MBP: variants seen among roughly 807,000 people sequenced by gnomAD.
MBP encodes Golli-MBP.
A neutral mutation model predicts 35.8 loss-of-function variants in MBP; 16 were observed. The observed-to-expected ratio is 0.45, with a 90% CI of 0.30 to 0.68. The LOEUF (loss-of-function observed/expected upper bound fraction) is 0.68, where lower values mean the gene tolerates loss of function less well. Ranked by LOEUF, MBP falls within the 30% of genes least tolerant of loss-of-function variation. The pLI is 0.08. For synonymous variants in MBP, 143 were observed against 159.6 expected, an observed-to-expected ratio of 0.90 and a Z score of 0.78; for missense variants, 380 against 404.7, an observed-to-expected ratio of 0.94 and a Z score of 0.52.
intron 3 of MBP, among the ~76,000 whole-genome samples, chr18:77,052,283 G>T (rs1001709193): frequency 6.6e-6 from 1 of 152,166 alleles, no homozygotes; most frequent in African/African-American, 2.4e-5. Flanking sequence ...TTTCAAATTG[G>T]GGATCCAAGA....
intron 3 of MBP, among the ~76,000 whole-genome samples, chr18:77,062,247 C>T (rs1046405536): frequency 6.6e-6 from 1 of 152,182 alleles, no homozygotes; most frequent in Non-Finnish European, 1.5e-5. Flanking sequence ...TTTAGCCCCA[C>T]GATTAGTCAA....
chr18:77,026,209 T>A (rs966931880), intron 3 of MBP, among the ~76,000 whole-genome samples: 1 of 152,244 alleles, frequency 6.6e-6, no homozygotes, highest in African/African-American at 2.4e-5. Context: ...CTTTTCACGC[T>A]GGCTTGACCC....
At chr18:77,019,080 CCATT>C (rs1427334947) in intron 3 of MBP, among the ~76,000 whole-genome samples, 6 of 134,280 alleles carry the variant, frequency 4.5e-5, no homozygotes, top group Admixed American at 2.3e-4. Flanking sequence ...ATCCATCCAT[CCATT>C]ATTTATGAGT....
At chr18:76,994,570 A>G (rs1914423308) in intron 4 of MBP, among the ~76,000 whole-genome samples, 1 of 152,344 alleles carries the variant, frequency 6.6e-6, no homozygotes, top group Admixed American at 6.5e-5. Context: ...TAAAAGAAAA[A>G]TGATATATTT....
intron 3 of MBP, among the ~76,000 whole-genome samples, chr18:77,056,202 G>A (rs754236765): frequency 2.2e-4 from 33 of 152,186 alleles, no homozygotes; most frequent in Non-Finnish European, 4.6e-4. Context: ...TGCCTGGCCC[G>A]GTGTCCATGT....
intron 3 of MBP, among the ~76,000 whole-genome samples, chr18:77,062,687 G>A (rs890615146): frequency 6.6e-6 from 1 of 152,214 alleles, no homozygotes; most frequent in African/African-American, 2.4e-5. Context: ...CGAGGAGGAA[G>A]GCTGCGTGGT....
chr18:77,015,264 C>A, intron 4 of MBP: 1 of 968,910 alleles, frequency 1.0e-6, no homozygotes, highest in Non-Finnish European at 1.2e-6. Context: ...AGTTTAAGTA[C>A]ATTTTTTTTT....
Position 76,988,167 on chromosome 18 carries a change from T to C in MBP, c.750+328A>G. The C allele has an allele frequency of 6.5e-7, 1 of 1,539,564 alleles. No individual in the cohort carries two copies. The highest frequency in any genetic ancestry group is 8.7e-7 in the Non-Finnish European group (1 of 1,146,684). On this transcript the variant is annotated intron_variant, in intron 7 of 8. Transcript: ENST00000355994. This position sits in a 1 kb window ranked among gnomAD's most constrained non-coding sequence, Gnocchi z 5.2. ...CTCGCACTGGTTGTGTTGGAGGAAGTTAAACATTTTCTCGGACGTGGTGTT... is the reference window on the plus strand; with the variant it reads ...CTCGCACTGGTTGTGTTGGAGGAAGCTAAACATTTTCTCGGACGTGGTGTT...
At chr18:77,050,089 G>T (rs1332393772) in intron 3 of MBP, among the ~76,000 whole-genome samples, 1 of 152,010 alleles carries the variant, frequency 6.6e-6, no homozygotes, top group Non-Finnish European at 1.5e-5. Context: ...GACGTTCTTG[G>T]TAGAATGTCA....
intron 3 of MBP, among the ~76,000 whole-genome samples, chr18:77,030,574 A>C (rs1363480587): frequency 6.6e-6 from 1 of 152,260 alleles, no homozygotes; most frequent in East Asian, 1.9e-4. Flanking sequence ...TTTTCCAAAA[A>C]TAAATCCATA....
At chr18:77,084,878 G>A (rs1421463363) in intron 2 of MBP, among the ~76,000 whole-genome samples, 2 of 151,960 alleles carry the variant, frequency 1.3e-5, no homozygotes, top group African/African-American at 4.8e-5. Context: ...AAAATACTCT[G>A]CCATTTATTC....
intron 2 of MBP, among the ~76,000 whole-genome samples, chr18:77,087,868 C>T (rs1322356093): frequency 1.3e-5 from 2 of 152,136 alleles, no homozygotes; most frequent in Non-Finnish European, 2.9e-5. Context: ...CTTGCGCGCT[C>T]CTGCTGCCTG....
chr18:76,986,655 C>G, intron 7 of MBP: 1 of 985,532 alleles, frequency 1.0e-6, no homozygotes, highest in Non-Finnish European at 1.2e-6. Flanking sequence ...CTCGCTCTTG[C>G]GTCCTAGAGG....
At chr18:77,026,258 C>T (rs1389513140) in intron 3 of MBP, among the ~76,000 whole-genome samples, 4 of 152,236 alleles carry the variant, frequency 2.6e-5, no homozygotes, top group African/African-American at 9.6e-5. Context: ...AGGCAGAGCG[C>T]GGGCGTTCTG....
rs756647018 is a variant in MBP, at chr18:77,017,189, C to T, written c.219G>A (p.Pro73=). 47 of 1,540,216 alleles carry T rather than the reference C, an allele frequency of 3.1e-5. No homozygotes were observed. Among genetic ancestry groups the T allele is most frequent in the Middle Eastern group, 3.5e-4 (2 of 5,674 alleles). Residue 73 remains proline, a synonymous_variant, in exon 4 of 9, where the codon CCG becomes CCA. Transcript: ENST00000355994. ...AVTDSKRTAD[P]KNAWQDAHPA... ...GGTGGGCATCCTGCCAGGCATTCTT[C>T]GGGTCCGCTGTGCGCTTGGAGTCAG...
chr18:76,993,101 G>T (rs1387141663), intron 4 of MBP, among the ~76,000 whole-genome samples: 1 of 152,206 alleles, frequency 6.6e-6, no homozygotes, highest in South Asian at 2.1e-4. Context: ...GCACAGCAGG[G>T]CGTAACCATG....
At chr18:77,014,499 C>T (rs746326298) in intron 4 of MBP, 123 of 985,350 alleles carry the variant, frequency 1.2e-4, no homozygotes, top group Non-Finnish European at 1.5e-4. Context: ...TTGCACACCT[C>T]TTCGGCCTAT....
In MBP at chr18:77,061,908, C is replaced by T. The variant is rs772759744; in HGVS notation, c.139+4390G>A. ...GAGCAATGAAGTTGTGAATGTTTTC[C>T]TCATGACTCTTCATGGGGGTTTGCC... is the stretch of plus-strand genomic sequence containing the variant. On this transcript the variant is annotated intron_variant, in intron 3 of 8. Coordinates refer to ENST00000355994, the MANE Select transcript of MBP (RefSeq NM_001025101.2). 2.0e-5 allele frequency among the ~76,000 whole-genome samples: 3 copies of T among 152,216 alleles called. No homozygotes were observed. The South Asian group carries it at 6.2e-4, about 31-fold the overall frequency.
intron 3 of MBP, among the ~76,000 whole-genome samples, chr18:77,048,613 G>A (rs912098235): frequency 5.9e-5 from 9 of 151,970 alleles, no homozygotes; most frequent in South Asian, 2.1e-4. Flanking sequence ...ACAGGTGCCC[G>A]CCACCACGGC....
Sources: allele counts gnomAD v4.1 joint callset (sites outside exome capture counted in the v4.1 genomes callset), GRCh38; gene constraint gnomAD v4.1.1; non-coding constraint Gnocchi (gnomAD v3.1); transcripts MANE v1.5; gene names NCBI Gene and HGNC (gene_info 2026-07-23, HGNC 2026-07-21).